The following TNFAIP8 variants were observed in gnomAD, a reference collection of about 807,000 sequenced individuals.
TNFAIP8 encodes the protein TNF alpha induced protein 8, also known as tumor necrosis factor alpha-induced protein 8.
A neutral mutation model predicts 13.3 loss-of-function variants in TNFAIP8; 7 were observed. That is an observed-to-expected ratio of 0.52 (90% confidence interval 0.30 to 0.99). TNFAIP8 has a LOEUF of 0.99. Ranked by LOEUF, TNFAIP8 falls within the 50% of genes least tolerant of loss-of-function variation. The pLI is 0.07. For synonymous variants in TNFAIP8, 94 were observed against 87.6 expected (o/e 1.07, Z -0.41); for missense variants, 258 against 236.9 (o/e 1.09, Z -0.58).
Position 119,373,875 on chromosome 5 carries a change from A to C in TNFAIP8, c.31+17754A>C, listed in dbSNP as rs554174381. ...TATGTGATCTCTGCCAGCTCACAGA[A>C]GCTTACCTCTTTTTGTGCCATGTAG... On this transcript the variant is annotated intron_variant, in intron 1 of 1. Coordinates refer to ENST00000504771, the MANE Select transcript of TNFAIP8 (RefSeq NM_014350.4). 5.3e-5 allele frequency among the ~76,000 whole-genome samples: 8 copies of C among 152,312 alleles called. No individual in the cohort carries two copies. The East Asian group carries it at 5.8e-4, about 11-fold the overall frequency.
intron 1 of TNFAIP8, chr5:119,306,309 T>C (rs1231264093): frequency 2.1e-5 from 3 of 144,872 alleles, no homozygotes; most frequent in Non-Finnish European, 4.4e-5. Flanking sequence ...CTTTTTTCTT[T>C]CTTTCTTTCT....
rs1752953654 is a variant in TNFAIP8, at chr5:119,392,937, G to A, written c.153G>A (p.Leu51=). ...TAGACGACACAAGTAGTGAGGTGCT[G>A]GATGAGCTCTACAGAGTGACCAGGG... ...TLIDDTSSEV[L]DELYRVTREY... Residue 51 remains leucine (L), a synonymous_variant, in exon 2 of 2, where the codon CTG becomes CTA. Transcript: ENST00000504771. 1 of 1,608,686 alleles carries A rather than the reference G, an allele frequency of 6.2e-7. No homozygotes were observed. Among genetic ancestry groups the A allele is most frequent in the African/African-American group, 1.3e-5 (1 of 74,788 alleles).
chr5:119,389,902 A>G (rs528962900), intron 1 of TNFAIP8, among the ~76,000 whole-genome samples: 12 of 152,350 alleles, frequency 7.9e-5, no homozygotes, highest in Admixed American at 6.5e-4. Context: ...TAAATGGGGA[A>G]TGATCTTGCT....
In TNFAIP8 at chr5:119,350,998, C is replaced by CTGTGTG. The variant is rs70982476; in HGVS notation, c.2-41786_2-41781dup. On this transcript the variant is annotated intron_variant, in intron 1 of 1. Transcript: ENST00000274456. ...TGTGTGTAGAGAGAGGGGTCTCACTCTGTGTGTGTGTGTGTGTGTGTGTGT... is the reference window on the plus strand; with the variant it reads ...TGTGTGTAGAGAGAGGGGTCTCACTCTGTGTGTGTGTGTGTGTGTGTGTGTGTGTGT... Among the ~76,000 whole-genome samples the CTGTGTG allele has an allele frequency of 9.0e-3, 1,242 of 137,950 alleles. 12 individuals are homozygous for CTGTGTG. The highest frequency in any genetic ancestry group is 0.016 in the East Asian group (74 of 4,528). 90.5% of individuals were successfully genotyped at this position (137,950 alleles called of 152,430 possible).
At chr5:119,270,893 A>G (rs1024577030) in intron 1 of TNFAIP8, among the ~76,000 whole-genome samples, 2 of 152,212 alleles carry the variant, frequency 1.3e-5, no homozygotes, top group Non-Finnish European at 2.9e-5. Context: ...TCCTGCACAA[A>G]TGGGCCTTTT....
chr5:119,333,251 T>C (rs1750439858), intron 1 of TNFAIP8: 5 of 1,050,840 alleles, frequency 4.8e-6, no homozygotes, highest in Middle Eastern at 4.2e-4. Context: ...AGGGAGCAAG[T>C]GCAGGCAGCA....
At chr5:119,384,327 A>C (rs1002345312) in intron 1 of TNFAIP8, among the ~76,000 whole-genome samples, 2 of 152,144 alleles carry the variant, frequency 1.3e-5, no homozygotes, top group African/African-American at 2.4e-5. Context: ...TCTACTAAAA[A>C]TACAACAATT....
chr5:119,360,269 G>C (rs1751583636), intron 1 of TNFAIP8, among the ~76,000 whole-genome samples: 1 of 152,132 alleles, frequency 6.6e-6, no homozygotes, highest in African/African-American at 2.4e-5. Flanking sequence ...TCAGGACCCA[G>C]CGATTGCATT....
intron 1 of TNFAIP8, among the ~76,000 whole-genome samples, chr5:119,317,314 C>T (rs1160646247): frequency 6.6e-6 from 1 of 151,930 alleles, no homozygotes; most frequent in Non-Finnish European, 1.5e-5. Flanking sequence ...TTTAAATATG[C>T]TTTTAAATTG....
At chr5:119,389,957 T>C (rs1752833488) in intron 1 of TNFAIP8, among the ~76,000 whole-genome samples, 1 of 152,222 alleles carries the variant, frequency 6.6e-6, no homozygotes, top group African/African-American at 2.4e-5. Flanking sequence ...TTGCAGGAAG[T>C]TGAAGTGCTG....
intron 1 of TNFAIP8, among the ~76,000 whole-genome samples, chr5:119,350,599 C>T (rs188357566): frequency 6.6e-6 from 1 of 152,194 alleles, no homozygotes; most frequent in Non-Finnish European, 1.5e-5. Flanking sequence ...AAGAGAAATA[C>T]ACCTAGAAAG....
intron 1 of TNFAIP8, among the ~76,000 whole-genome samples, chr5:119,336,880 T>C (rs1750567886): frequency 6.6e-6 from 1 of 152,234 alleles, no homozygotes; most frequent in Non-Finnish European, 1.5e-5. Flanking sequence ...CAGCTTAACA[T>C]GGACCATTTT....
At chr5:119,375,940 C>A (rs1483615049) in intron 1 of TNFAIP8, among the ~76,000 whole-genome samples, 1 of 151,964 alleles carries the variant, frequency 6.6e-6, no homozygotes, top group Non-Finnish European at 1.5e-5. Context: ...GTACTAAAAA[C>A]AATTATTATT....
upstream of TNFAIP8, among the ~76,000 whole-genome samples, chr5:119,352,649 C>T (rs1418294080): frequency 3.9e-5 from 6 of 152,182 alleles, no homozygotes; most frequent in South Asian, 8.3e-4. Context: ...CTGATCTCCC[C>T]TTTTCTTAAC....
At chr5:119,357,552 G>A (rs868442890) in intron 1 of TNFAIP8, among the ~76,000 whole-genome samples, 2 of 152,086 alleles carry the variant, frequency 1.3e-5, no homozygotes, top group African/African-American at 4.8e-5. Flanking sequence ...GGGAGAGAAA[G>A]TGGAAAAACA....
intron 1 of TNFAIP8, among the ~76,000 whole-genome samples, chr5:119,372,214 G>A (rs530827431): frequency 8.6e-5 from 13 of 150,834 alleles, no homozygotes; most frequent in Admixed American, 7.3e-4. Flanking sequence ...TGTAGTACTA[G>A]CTACTCAGAA....
intron 1 of TNFAIP8, among the ~76,000 whole-genome samples, chr5:119,305,359 C>T (rs887251428): frequency 1.3e-5 from 2 of 152,174 alleles, no homozygotes; most frequent in African/African-American, 4.8e-5. Context: ...TTTCTAACAA[C>T]TATTAAAATG....
At chr5:119,355,122 G>T, upstream of TNFAIP8, 1 of 574,736 alleles carries the variant, frequency 1.7e-6, no homozygotes, top group South Asian at 2.0e-5. Flanking sequence ...CTGTGGGCCA[G>T]ACCCGGGGGC....
chr5:119,359,988 A>G (rs1302945327), intron 1 of TNFAIP8, among the ~76,000 whole-genome samples: 1 of 152,084 alleles, frequency 6.6e-6, no homozygotes, highest in Non-Finnish European at 1.5e-5. Context: ...GATCTATCAT[A>G]CTCTCTCCTC....
Sources: allele counts gnomAD v4.1 joint callset (sites outside exome capture counted in the v4.1 genomes callset), GRCh38; gene constraint gnomAD v4.1.1; transcripts MANE v1.5; gene names NCBI Gene and HGNC (gene_info 2026-07-23, HGNC 2026-07-21).